Variants in GULP1 observed in about 807,000 individuals in gnomAD.
GULP1 encodes the protein PTB domain-containing engulfment adapter protein 1.
In GULP1, 19 loss-of-function variants were observed where a neutral mutation model predicts 40.9. The observed-to-expected ratio is 0.46, with a 90% confidence interval of 0.32 to 0.68. The LOEUF is 0.68. GULP1 is among the 30% of genes least tolerant of loss of function. GULP1 has a pLI of 0.03. For missense variants in GULP1, 312 were observed against 362.2 expected, an observed-to-expected ratio of 0.86 and a Z score of 1.12; for synonymous variants, 119 against 117.6, an observed-to-expected ratio of 1.01 and a Z score of -0.08.
chr2:188,582,324 C>T (rs1049583646), intron 9 of GULP1: 4 of 468,934 alleles, frequency 8.5e-6, no homozygotes, highest in Non-Finnish European at 1.3e-5. Flanking sequence ...ATTTCTTTTT[C>T]TGTCATTCCT....
At chr2:188,483,326 T>A (rs1272233095) in intron 3 of GULP1, 105 bp from the exon 4 acceptor site, 1 of 497,230 alleles carries the variant, frequency 2.0e-6, no homozygotes, top group Non-Finnish European at 3.7e-6. Flanking sequence ...GCAAAGAATC[T>A]CAGAATTAGA....
At chr2:188,446,995 A>G (rs942063234) in intron 2 of GULP1, among the ~76,000 whole-genome samples, 1 of 152,212 alleles carries the variant, frequency 6.6e-6, no homozygotes, top group Non-Finnish European at 1.5e-5. Context: ...CAAGGTGGTC[A>G]GGGCATAGCC....
chr2:188,480,853 T>C (rs1394022206), intron 3 of GULP1, among the ~76,000 whole-genome samples: 1 of 151,916 alleles, frequency 6.6e-6, no homozygotes, highest in Admixed American at 6.6e-5. Context: ...AGATATCAAA[T>C]GCACAGCACT....
intron 1 of GULP1, among the ~76,000 whole-genome samples, chr2:188,300,030 T>A (rs1048853621): frequency 2.0e-5 from 3 of 152,214 alleles, no homozygotes; most frequent in Non-Finnish European, 4.4e-5. Flanking sequence ...GGATTAATAG[T>A]TTTAGCTGAA....
intron 1 of GULP1, among the ~76,000 whole-genome samples, chr2:188,351,799 A>G (rs2044481633): frequency 6.6e-6 from 1 of 152,168 alleles, no homozygotes; most frequent in Non-Finnish European, 1.5e-5. Context: ...CAATCATTTA[A>G]TGTGAGAATT....
At chr2:188,567,044 T>C (rs532824396) in intron 7 of GULP1, among the ~76,000 whole-genome samples, 25 of 152,086 alleles carry the variant, frequency 1.6e-4, no homozygotes, top group South Asian at 1.5e-3. Context: ...TCAACATCAC[T>C]GATCATCAGA....
chr2:188,331,088 A>G (rs2041511756), intron 1 of GULP1, among the ~76,000 whole-genome samples: 1 of 152,148 alleles, frequency 6.6e-6, no homozygotes, highest in Non-Finnish European at 1.5e-5. Context: ...ATATCCCGCT[A>G]ATTTCACAAC....
At chr2:188,465,971 A>ATGTGTG (rs139512748) in intron 2 of GULP1, among the ~76,000 whole-genome samples, 32 of 148,974 alleles carry the variant, frequency 2.1e-4, no homozygotes, top group African/African-American at 7.6e-4. Flanking sequence ...GTGTGTGTAT[A>ATGTGTG]TGTGTGTGTG....
chr2:188,534,742 G>T (rs1298115556), intron 6 of GULP1, among the ~76,000 whole-genome samples: 1 of 151,964 alleles, frequency 6.6e-6, no homozygotes, highest in Non-Finnish European at 1.5e-5. Context: ...TTTTATTGCG[G>T]AAAATCATAT....
intron 1 of GULP1, among the ~76,000 whole-genome samples, chr2:188,309,570 A>G (rs1327952679): frequency 1.3e-5 from 2 of 152,370 alleles, no homozygotes; most frequent in East Asian, 3.9e-4. Flanking sequence ...ATTATGCAAT[A>G]GTGATGCTCT....
intron 2 of GULP1, among the ~76,000 whole-genome samples, chr2:188,428,883 G>GTT (rs199940064): frequency 1.3e-5 from 2 of 150,544 alleles, no homozygotes; most frequent in Non-Finnish European, 3.0e-5. Flanking sequence ...AAAAAAAAGT[G>GTT]TGTTTTTTTT....
chr2:188,560,724 G>A (rs1298447012), intron 7 of GULP1, among the ~76,000 whole-genome samples: 1 of 152,194 alleles, frequency 6.6e-6, no homozygotes, highest in African/African-American at 2.4e-5. Context: ...CACTGCTTCT[G>A]CTGATACCTC....
At chr2:188,562,737 TC>T (rs1443370875) in intron 7 of GULP1, among the ~76,000 whole-genome samples, 2 of 152,132 alleles carry the variant, frequency 1.3e-5, no homozygotes, top group African/African-American at 4.8e-5. Context: ...GAGTATACTT[TC>T]CTTTTGAATG....
intron 7 of GULP1, among the ~76,000 whole-genome samples, chr2:188,566,936 A>G (rs1697855090): frequency 6.6e-6 from 1 of 152,106 alleles, no homozygotes; most frequent in Non-Finnish European, 1.5e-5. Flanking sequence ...CTTATTTATA[A>G]GAAAAAAACA....
intron 2 of GULP1, among the ~76,000 whole-genome samples, chr2:188,397,357 G>T (rs920209655): frequency 2.0e-5 from 3 of 152,104 alleles, no homozygotes; most frequent in Non-Finnish European, 2.9e-5. Context: ...CCTTCTATGT[G>T]CTGTGTACCT....
intron 1 of GULP1, among the ~76,000 whole-genome samples, chr2:188,361,108 C>T (rs976898424): frequency 2.0e-5 from 3 of 152,086 alleles, no homozygotes; most frequent in Non-Finnish European, 4.4e-5. Flanking sequence ...CTAAATGTTA[C>T]GTGCAGCATG....
intron 4 of GULP1, among the ~76,000 whole-genome samples, chr2:188,499,133 G>GTATATATATATATATATA (rs778858143): frequency 8.3e-6 from 1 of 120,692 alleles, no homozygotes. Flanking sequence ...ATATATGTGT[G>GTATATATATATATATATA]TGTATATATA....
intron 10 of GULP1, among the ~76,000 whole-genome samples, chr2:188,584,689 T>G (rs1435019142): frequency 6.6e-6 from 1 of 151,980 alleles, no homozygotes; most frequent in Non-Finnish European, 1.5e-5. Context: ...TTGGGTTATA[T>G]TTTTAATATT....
intron 1 of GULP1, among the ~76,000 whole-genome samples, chr2:188,368,963 A>G (rs1339114312): frequency 3.9e-5 from 5 of 127,326 alleles, no homozygotes; most frequent in African/African-American, 1.7e-4. Flanking sequence ...ATATATATAT[A>G]TATATATATA....
Sources: gnomAD v4.1 joint callset for allele counts (sites outside exome capture counted in the v4.1 genomes callset) on GRCh38, gnomAD v4.1.1 for gene constraint, MANE v1.5 for transcripts, NCBI Gene and HGNC (gene_info 2026-07-23, HGNC 2026-07-21) for gene names.